Variants in TOM1 observed in about 807,000 individuals in gnomAD.
TOM1 encodes target of Myb protein 1.
TOM1 carries 38 observed loss-of-function variants against 61.3 expected under a neutral mutation model. That is an observed-to-expected ratio of 0.62 (90% confidence interval 0.48 to 0.81). The LOEUF is 0.81. Ranked by LOEUF, TOM1 falls within the 40% of genes least tolerant of loss-of-function variation. The probability of loss-of-function intolerance (pLI) is 0.00; values close to 1 mark genes in which losing one functional copy is unlikely to be tolerated. For synonymous variants in TOM1, 270 were observed against 268.8 expected, an observed-to-expected ratio of 1.00 and a Z score of -0.04; for missense variants, 591 against 659.6, an observed-to-expected ratio of 0.90 and a Z score of 1.14.
chr22:35,317,770 T>C lies in TOM1; in HGVS notation c.53-107T>C. 7.7e-6 allele frequency: 6 copies of C among 778,750 alleles called. 1 individual carries two copies. Among genetic ancestry groups the C allele is most frequent in the South Asian group, 7.2e-5 (5 of 69,782 alleles). 48.2% of individuals were successfully genotyped at this position (778,750 alleles called of 1,614,324 possible). ...GCCCAGGAAGTGTCTGTCATCTTCC[T>C]CCTCCCCATCTCATCCGGCCCTGCA... On this transcript the variant is annotated intron_variant, in intron 1 of 14. Transcript: ENST00000449058.
chr22:35,311,436 C>T (rs1926811854), intron 1 of TOM1, among the ~76,000 whole-genome samples: 2 of 152,242 alleles, frequency 1.3e-5, no homozygotes, highest in South Asian at 2.1e-4. Context: ...TGTCTCAAAA[C>T]AGCCAGACTC....
intron 1 of TOM1, among the ~76,000 whole-genome samples, chr22:35,307,008 C>T (rs1926382108): frequency 2.0e-5 from 3 of 151,988 alleles, no homozygotes; most frequent in Admixed American, 6.6e-5. Context: ...AGTATAGTCC[C>T]AGACTTCCAC....
At chr22:35,317,013 G>A (rs1214530490) in intron 1 of TOM1, among the ~76,000 whole-genome samples, 1 of 152,232 alleles carries the variant, frequency 6.6e-6, no homozygotes, top group East Asian at 1.9e-4. Flanking sequence ...TTGCTTCCTA[G>A]GTAAAGAAGC....
chr22:35,324,059 T>C, intron 6 of TOM1, 145 bp downstream of exon 6: 1 of 1,024,762 alleles, frequency 9.8e-7, no homozygotes, highest in Non-Finnish European at 1.4e-6. Flanking sequence ...TCTTCCTGTT[T>C]GAGCGATGAG....
chr22:35,335,124 C>T (rs186821029), intron 11 of TOM1, among the ~76,000 whole-genome samples: 14 of 152,280 alleles, frequency 9.2e-5, no homozygotes, highest in East Asian at 1.9e-4. Context: ...GAACTGGCCC[C>T]GTACAGGCTT....
In TOM1 at chr22:35,332,863, C is replaced by G. The variant is rs577710698; in HGVS notation, c.900-118C>G. 293 of 1,026,554 alleles carry G rather than the reference C, an allele frequency of 2.9e-4. 1 individual carries two copies. In the African/African-American group the frequency reaches 4.0e-3, roughly 14 times the overall value. 63.6% of individuals were successfully genotyped at this position (1,026,554 alleles called of 1,614,324 possible). ...CCAGGGCACACCAGACGTGTCATCA[C>G]CCTGATCATAACCCACCGTGTTGAT... On this transcript the variant is annotated intron_variant, in intron 8 of 14. Coordinates refer to ENST00000449058, the MANE Select transcript of TOM1 (RefSeq NM_005488.3).
chr22:35,333,356 C>A, intron 9 of TOM1, 48 bp from the exon 10 acceptor site: 1 of 1,560,328 alleles, frequency 6.4e-7, no homozygotes, highest in Non-Finnish European at 8.8e-7. Context: ...CAGAAAGGAA[C>A]GAAGCTGCAG....
chr22:35,301,785 C>T (rs964428119), intron 1 of TOM1, among the ~76,000 whole-genome samples: 34 of 136,126 alleles, frequency 2.5e-4, no homozygotes, highest in Non-Finnish European at 5.0e-5. Flanking sequence ...AGAGGAACTG[C>T]CCTCTCAAAG....
chr22:35,302,881 G>A (rs958600949), intron 1 of TOM1, among the ~76,000 whole-genome samples: 2 of 152,136 alleles, frequency 1.3e-5, no homozygotes, highest in African/African-American at 2.4e-5. Context: ...ATAAAGAGGC[G>A]GAGGAAGTAC....
intron 1 of TOM1, among the ~76,000 whole-genome samples, chr22:35,303,460 A>G (rs4510): frequency 0.52 from 77,398 of 150,166 alleles, 22,707 homozygotes; most frequent in Non-Finnish European, 0.65. Context: ...GTATGGAAAC[A>G]TTAGCTCTTC....
At chr22:35,305,547 C>A (rs1434307694) in intron 1 of TOM1, among the ~76,000 whole-genome samples, 2 of 151,934 alleles carry the variant, frequency 1.3e-5, no homozygotes, top group Non-Finnish European at 2.9e-5. Context: ...GTAGTCCCAG[C>A]AACTTGGGAG....
intron 12 of TOM1, among the ~76,000 whole-genome samples, chr22:35,339,379 C>T (rs566706490): frequency 6.6e-6 from 1 of 152,212 alleles, no homozygotes; most frequent in Non-Finnish European, 1.5e-5. Context: ...CTTCACATTC[C>T]AGCTCTACCA....
At chr22:35,302,462 AG>A (rs138737) in intron 1 of TOM1, among the ~76,000 whole-genome samples, 90,729 of 150,380 alleles carry the variant, frequency 0.6, 29,174 homozygotes, top group Non-Finnish European at 0.72. Context: ...CAGCCTCCCA[AG>A]GTAGCCGGGA....
At chr22:35,335,170 CT>C (rs1466871587) in intron 11 of TOM1, among the ~76,000 whole-genome samples, 19 of 152,304 alleles carry the variant, frequency 1.2e-4, no homozygotes, top group African/African-American at 3.8e-4. Flanking sequence ...TTTCTTCAGC[CT>C]TTTGCCCACT....
intron 1 of TOM1, among the ~76,000 whole-genome samples, chr22:35,300,405 G>A (rs1925643409): frequency 6.6e-6 from 1 of 152,258 alleles, no homozygotes; most frequent in Non-Finnish European, 1.5e-5. Context: ...CACCTGAGAA[G>A]GGCTAGAAGT....
rs935384456 is a variant in TOM1 at position 35,323,038 on chromosome 22, C to A, written c.227C>A (p.Thr76Asn). ...CTCTCGGCCCTCCAGGTCTTAGAAA[C>A]CTGTGTCAAGAACTGCGGGCACCGC... is the stretch of plus-strand genomic sequence containing the variant. ...EVMLALTVLETCVKNCGHRFH... is the reference protein window; with the variant it reads ...EVMLALTVLENCVKNCGHRFH... Residue 76 changes from threonine to asparagine, a missense_variant, in exon 4 of 15, where the codon ACC (threonine) becomes AAC (asparagine). By Grantham distance (65) the Thr-to-Asn change is moderately conservative. Transcript: ENST00000449058. The surrounding 1 kb of genome is among the most constrained non-coding windows in gnomAD (Gnocchi z 4.2). The A allele has an allele frequency of 4.2e-5, 67 of 1,613,964 alleles. No individual in the cohort carries two copies. Among genetic ancestry groups the A allele is most frequent in the Non-Finnish European group, 5.5e-5 (65 of 1,180,040 alleles).
chr22:35,343,115 CCACA>C (rs772641612), intron 12 of TOM1, among the ~76,000 whole-genome samples: 5 of 133,922 alleles, frequency 3.7e-5, no homozygotes, highest in Non-Finnish European at 8.0e-5. Flanking sequence ...CCACACACAC[CCACA>C]CACACCACAC....
At chr22:35,317,081 T>TGGGGCA (rs1927358642) in intron 1 of TOM1, among the ~76,000 whole-genome samples, 1 of 152,184 alleles carries the variant, frequency 6.6e-6, no homozygotes, top group Admixed American at 6.5e-5. Context: ...AAGAGGGGGC[T>TGGGGCA]GGGGCAGGGG....
chr22:35,312,116 G>A (rs923241958), intron 1 of TOM1, among the ~76,000 whole-genome samples: 1 of 151,956 alleles, frequency 6.6e-6, no homozygotes. Context: ...AATTAGGCGG[G>A]CGCCTGTAAT....
Sources: gnomAD v4.1 joint callset for allele counts (sites outside exome capture counted in the v4.1 genomes callset) on GRCh38, gnomAD v4.1.1 for gene constraint, Gnocchi (gnomAD v3.1) non-coding constraint, MANE v1.5 for transcripts, NCBI Gene and HGNC (gene_info 2026-07-23, HGNC 2026-07-21) for gene names.